Variants in PTPRD observed in about 807,000 individuals in gnomAD.
PTPRD encodes the protein receptor-type tyrosine-protein phosphatase delta.
In PTPRD, 34 loss-of-function variants were observed where a neutral mutation model predicts 214.5. That is an observed-to-expected ratio of 0.16 (90% CI 0.12 to 0.21). The LOEUF is 0.21. Among genes scored for constraint, PTPRD ranks in the 10% least tolerant of loss-of-function variants. The pLI, the probability that PTPRD is intolerant of heterozygous loss-of-function variation, is 1.00. For synonymous variants in PTPRD, 1,128 were observed against 845.7 expected, an observed-to-expected ratio of 1.33 and a Z score of -5.79; for missense variants, 2,545 against 2,398.7, an observed-to-expected ratio of 1.06 and a Z score of -1.27.
chr9:10,450,477 C>A (rs73390324), intron 2 of PTPRD, among the ~76,000 whole-genome samples: 2 of 151,890 alleles, frequency 1.3e-5, no homozygotes, highest in South Asian at 4.2e-4. Context: ...ATGTGCACCA[C>A]GATTATTTAT....
chr9:9,989,593 A>G (rs1588287095), intron 4 of PTPRD, among the ~76,000 whole-genome samples: 1 of 152,152 alleles, frequency 6.6e-6, no homozygotes, highest in East Asian at 1.9e-4. Flanking sequence ...AAAATCTTCC[A>G]TATTCACCAC....
At chr9:9,464,354 G>C (rs2093946508) in intron 8 of PTPRD, among the ~76,000 whole-genome samples, 1 of 152,058 alleles carries the variant, frequency 6.6e-6, no homozygotes, top group Admixed American at 6.6e-5. Flanking sequence ...AGTATAAATA[G>C]TGAGTTTGAT....
intron 8 of PTPRD, among the ~76,000 whole-genome samples, chr9:9,551,743 G>A (rs940328773): frequency 6.6e-6 from 1 of 151,876 alleles, no homozygotes; most frequent in Non-Finnish European, 1.5e-5. Context: ...GCTGATCTTA[G>A]AACCCCACAA....
intron 30 of PTPRD, among the ~76,000 whole-genome samples, chr9:8,483,917 G>A (rs542122715): frequency 2.6e-5 from 4 of 152,336 alleles, no homozygotes; most frequent in Admixed American, 2.6e-4. Context: ...AAAACTCACT[G>A]TTAAATTAAT....
intron 2 of PTPRD, among the ~76,000 whole-genome samples, chr9:10,353,821 T>C (rs1045553927): frequency 3.9e-5 from 6 of 152,004 alleles, no homozygotes; most frequent in African/African-American, 1.4e-4. Context: ...AAATATGGCT[T>C]GGTAAAATTT....
At chr9:8,357,019 A>C (rs2077137471) in intron 39 of PTPRD, among the ~76,000 whole-genome samples, 1 of 152,226 alleles carries the variant, frequency 6.6e-6, no homozygotes, top group South Asian at 2.1e-4. Context: ...ATATTTGAGT[A>C]ACTGGAAGGG....
chr9:9,240,928 G>A (rs2099970069), intron 9 of PTPRD, among the ~76,000 whole-genome samples: 1 of 152,056 alleles, frequency 6.6e-6, no homozygotes, highest in Non-Finnish European at 1.5e-5. Context: ...TCAATCAGCT[G>A]AGGTCCAAAC....
intron 10 of PTPRD, among the ~76,000 whole-genome samples, chr9:9,173,795 ACTAT>A: frequency 6.6e-6 from 1 of 152,234 alleles, no homozygotes; most frequent in East Asian, 1.9e-4. Context: ...TCTGCTCGTC[ACTAT>A]CTAATATACC....
At chr9:8,504,171 T>C in intron 23 of PTPRD, 90 bp downstream of exon 23, 1 of 1,286,172 alleles carries the variant, frequency 7.8e-7, no homozygotes, top group South Asian at 1.3e-5. Context: ...TTAAGCATAT[T>C]AGCAGGTTTG....
chr9:8,885,128 G>A (rs182971832), intron 11 of PTPRD, among the ~76,000 whole-genome samples: 1 of 152,310 alleles, frequency 6.6e-6, no homozygotes, highest in East Asian at 1.9e-4. Context: ...AATAGGAAAT[G>A]TGAATGAGAT....
intron 3 of PTPRD, among the ~76,000 whole-genome samples, chr9:10,056,102 C>A (rs1265409484): frequency 1.3e-5 from 2 of 151,790 alleles, no homozygotes; most frequent in Non-Finnish European, 2.9e-5. Context: ...GTGAGCGGAC[C>A]ATGAGGTCAG....
chr9:10,316,151 AT>A (rs902040559), intron 3 of PTPRD, among the ~76,000 whole-genome samples: 2 of 139,280 alleles, frequency 1.4e-5, no homozygotes, highest in Non-Finnish European at 3.0e-5. Context: ...ATACATATGT[AT>A]ATATGTATAT....
intron 2 of PTPRD, among the ~76,000 whole-genome samples, chr9:10,407,780 C>G (rs979481851): frequency 3.3e-5 from 5 of 151,484 alleles, no homozygotes; most frequent in African/African-American, 1.2e-4. Context: ...TGCTAGATTT[C>G]TAATAAAATG....
In PTPRD at chr9:9,612,348, G is replaced by A. The variant is rs572931414; in HGVS notation, c.-286-37567C>T. ...GAAGCCCTCTGCCCTGCCACCCCAC[G>A]ACACAAATCTGGTTGCTGCTGGGCA... On this transcript the variant is annotated intron_variant, in intron 7 of 45. Transcript: ENST00000381196. 1.1e-3 allele frequency among the ~76,000 whole-genome samples: 162 copies of A among 152,196 alleles called. 3 individuals carry two copies. Among genetic ancestry groups the A allele is most frequent in the Non-Finnish European group, 4.1e-4 (28 of 68,008 alleles).
intron 10 of PTPRD, among the ~76,000 whole-genome samples, chr9:9,114,610 T>C (rs1270022578): frequency 1.3e-5 from 2 of 152,138 alleles, no homozygotes; most frequent in Admixed American, 1.3e-4. Context: ...GGGGACTTTA[T>C]GGTCCTGAGG....
chr9:9,092,358 C>T (rs1293298613), intron 10 of PTPRD, among the ~76,000 whole-genome samples: 1 of 152,062 alleles, frequency 6.6e-6, no homozygotes, highest in African/African-American at 2.4e-5. Flanking sequence ...TTCATTTCTT[C>T]TTCAACTGAT....
chr9:8,482,236 C>A (rs529845331), intron 30 of PTPRD, among the ~76,000 whole-genome samples: 1 of 152,108 alleles, frequency 6.6e-6, no homozygotes, highest in African/African-American at 2.4e-5. Context: ...GCTCAGAACT[C>A]AGAGCCATAT....
intron 2 of PTPRD, among the ~76,000 whole-genome samples, chr9:10,546,375 G>C (rs1193775388): frequency 6.6e-6 from 1 of 151,968 alleles, no homozygotes; most frequent in Admixed American, 6.6e-5. Context: ...ATGCAAAAGA[G>C]AGAAGAAAAT....
intron 3 of PTPRD, among the ~76,000 whole-genome samples, chr9:10,289,382 T>C (rs573966792): frequency 6.6e-6 from 1 of 152,180 alleles, no homozygotes; most frequent in South Asian, 2.1e-4. Flanking sequence ...CCAGCTGAGG[T>C]GTTGGAGATG....
Sources: gnomAD v4.1 joint callset for allele counts (sites outside exome capture counted in the v4.1 genomes callset) on GRCh38, gnomAD v4.1.1 for gene constraint, MANE v1.5 for transcripts, NCBI Gene and HGNC (gene_info 2026-07-23, HGNC 2026-07-21) for gene names.